CFAP43: variants seen among roughly 807,000 people sequenced by gnomAD.
CFAP43 encodes the protein cilia- and flagella-associated protein 43.
A neutral mutation model predicts 218.9 loss-of-function variants in CFAP43; 155 were observed. The ratio of observed to expected loss-of-function variants is 0.71; its 90% confidence interval spans 0.62 to 0.81. CFAP43 has a LOEUF of 0.81. Ranked by LOEUF, CFAP43 falls within the 30% of genes least tolerant of loss-of-function variation. The probability of loss-of-function intolerance (pLI) is 0.00; values close to 1 mark genes in which losing one functional copy is unlikely to be tolerated. For missense variants in CFAP43, 1,778 were observed against 1,954.3 expected (o/e 0.91, Z 1.70); for synonymous variants, 645 against 681.3 (o/e 0.95, Z 0.83).
intron 7 of CFAP43, 41 bp downstream of exon 7, chr10:104,205,922 T>C: frequency 6.4e-7 from 1 of 1,552,500 alleles, no homozygotes; most frequent in Non-Finnish European, 8.8e-7. Context: ...GAATTGTGAA[T>C]TTTCTTTAAA....
At chr10:104,156,868 G>A (rs1021391010) in intron 27 of CFAP43, among the ~76,000 whole-genome samples, 29 of 152,010 alleles carry the variant, frequency 1.9e-4, no homozygotes, top group African/African-American at 6.8e-4. Context: ...TGGCTAAATC[G>A]GTGGCAAAAA....
intron 3 of CFAP43, among the ~76,000 whole-genome samples, chr10:104,223,979 A>T (rs1273933062): frequency 6.6e-6 from 1 of 152,188 alleles, no homozygotes; most frequent in East Asian, 1.9e-4. Flanking sequence ...CAGAAACTAC[A>T]TTACTGACAA....
At chr10:104,229,695 CA>C (rs1264878322) in intron 2 of CFAP43, among the ~76,000 whole-genome samples, 1 of 151,934 alleles carries the variant, frequency 6.6e-6, no homozygotes, top group Non-Finnish European at 1.5e-5. Context: ...ACTAATAATT[CA>C]AATGGTAGGC....
At chr10:104,209,750 C>T (rs992350487) in intron 5 of CFAP43, among the ~76,000 whole-genome samples, 1 of 152,122 alleles carries the variant, frequency 6.6e-6, no homozygotes, top group African/African-American at 2.4e-5. Context: ...GAGTTGCAAA[C>T]CTTGATGGCT....
At chr10:104,160,697 C>T (rs897308074) in intron 27 of CFAP43, among the ~76,000 whole-genome samples, 4 of 152,138 alleles carry the variant, frequency 2.6e-5, no homozygotes, top group African/African-American at 9.7e-5. Context: ...AATAAATGTA[C>T]ACAACACAGA....
intron 27 of CFAP43, among the ~76,000 whole-genome samples, chr10:104,155,662 C>T (rs1206868275): frequency 6.6e-6 from 1 of 151,940 alleles, no homozygotes; most frequent in Non-Finnish European, 1.5e-5. Flanking sequence ...GAATCTCCAC[C>T]ATAATAGGAA....
intron 2 of CFAP43, among the ~76,000 whole-genome samples, chr10:104,227,936 T>A (rs1160905722): frequency 1.5e-5 from 2 of 129,376 alleles, no homozygotes; most frequent in Non-Finnish European, 3.1e-5. Context: ...AACCTCCGCC[T>A]CCCGGGTTCA....
chr10:104,163,757 T>C (rs182182821), intron 24 of CFAP43, among the ~76,000 whole-genome samples: 42 of 152,320 alleles, frequency 2.8e-4, no homozygotes, highest in African/African-American at 9.4e-4. Context: ...TACTTTCTCA[T>C]GTGGAGGAGA....
intron 17 of CFAP43, among the ~76,000 whole-genome samples, chr10:104,182,011 G>A (rs2089861900): frequency 6.6e-6 from 1 of 152,126 alleles, no homozygotes; most frequent in Admixed American, 6.5e-5. Context: ...TTTGTTAATT[G>A]AATGAGTGAA....
intron 13 of CFAP43, 53 bp from the exon 14 acceptor site, chr10:104,187,545 T>A: frequency 7.1e-7 from 1 of 1,415,634 alleles, no homozygotes; most frequent in East Asian, 2.6e-5. Flanking sequence ...ATTAATTTTG[T>A]TTTTTTAAAA....
chr10:104,194,162 C>T (rs989467406), intron 10 of CFAP43, 148 bp from the exon 11 acceptor site: 35 of 756,490 alleles, frequency 4.6e-5, no homozygotes, highest in Admixed American at 4.3e-4. Flanking sequence ...ATACCCTCAA[C>T]GTTCCTGAGC....
intron 19 of CFAP43, among the ~76,000 whole-genome samples, chr10:104,173,923 C>T (rs1164953188): frequency 2.0e-5 from 3 of 151,724 alleles, no homozygotes; most frequent in African/African-American, 7.3e-5. Flanking sequence ...GACTTGTTGC[C>T]CAAAAGAAAA....
intron 5 of CFAP43, 37 bp downstream of exon 5, chr10:104,211,970 C>T (rs754792881): frequency 4.7e-5 from 75 of 1,600,138 alleles, no homozygotes; most frequent in Non-Finnish European, 6.3e-5. Flanking sequence ...TAGACCTCAA[C>T]CCATTAGGCA....
At chr10:104,223,892 T>C (rs966921628) in intron 3 of CFAP43, among the ~76,000 whole-genome samples, 5 of 152,136 alleles carry the variant, frequency 3.3e-5, no homozygotes, top group African/African-American at 7.2e-5. Context: ...TTATGTTGCA[T>C]GAAAGAAGCC....
intron 12 of CFAP43, among the ~76,000 whole-genome samples, chr10:104,191,142 T>A (rs911688600): frequency 1.3e-5 from 2 of 152,186 alleles, no homozygotes; most frequent in African/African-American, 4.8e-5. Flanking sequence ...TTCTACTCCA[T>A]CCTTCACACT....
chr10:104,141,025 C>A, intron 33 of CFAP43, 24 bp from the exon 34 acceptor site: 1 of 1,590,476 alleles, frequency 6.3e-7, no homozygotes, highest in Non-Finnish European at 8.6e-7. Context: ...TACTTCAAAG[C>A]AAGTAGTTGT....
At chr10:104,208,517 T>C (rs1391681542) in intron 5 of CFAP43, among the ~76,000 whole-genome samples, 3 of 152,180 alleles carry the variant, frequency 2.0e-5, no homozygotes, top group African/African-American at 7.2e-5. Flanking sequence ...CATTTAAAAA[T>C]GAATGTGAGT....
At position 104,185,111 on chromosome 10, in the gene CFAP43, C is replaced by A. The variant is rs2089988992; in HGVS notation, c.2046G>T (p.Gln682His). 1 of 1,613,930 alleles carries A rather than the reference C, an allele frequency of 6.2e-7. No homozygotes were observed. Among genetic ancestry groups the A allele is most frequent in the Non-Finnish European group, 8.5e-7 (1 of 1,180,002 alleles). ...TFAWCRSHSH[Q>H]GHGIQSMRIS... ...TTCTCATTGACTGAATCCCATGACC[C>A]TGGTGAGAATGACTCCGACACCAAG... is the stretch of plus-strand genomic sequence containing the variant. The change falls in exon 16 of 38, where the codon CAG (glutamine) becomes CAT (histidine). Residue 682 changes from glutamine (Q) to histidine (H), a missense_variant. Physicochemically the swap from Gln to His is conservative, Grantham distance 24. Coordinates refer to ENST00000357060, the MANE Select transcript of CFAP43 (RefSeq NM_025145.7).
In CFAP43 at chr10:104,163,477, T is replaced by G. The variant is rs1403196041; in HGVS notation, c.3246+617A>C. On this transcript the variant is annotated intron_variant, in intron 24 of 37. Coordinates refer to ENST00000357060, the MANE Select transcript of CFAP43 (RefSeq NM_025145.7). ...AGCATTTTTTTTTACTTTTAAAAAATGAAATATTGTCAGATTTTAATTGTT... is the reference window on the plus strand; with the variant it reads ...AGCATTTTTTTTTACTTTTAAAAAAGGAAATATTGTCAGATTTTAATTGTT... Among the ~76,000 whole-genome samples the G allele has an allele frequency of 3.3e-5, 5 of 152,218 alleles. No individual in the cohort carries two copies. In the East Asian group the frequency reaches 7.7e-4, roughly 23 times the overall value.
Sources: allele counts gnomAD v4.1 joint callset (sites outside exome capture counted in the v4.1 genomes callset), GRCh38; gene constraint gnomAD v4.1.1; transcripts MANE v1.5; gene names NCBI Gene and HGNC (gene_info 2026-07-23, HGNC 2026-07-21).